ETFA: variants seen among roughly 807,000 people sequenced by gnomAD.
ETFA encodes electron transfer flavoprotein subunit alpha, mitochondrial.
ETFA carries 22 observed loss-of-function variants against 46.2 expected under a neutral mutation model. That is an observed-to-expected ratio of 0.48 (90% CI 0.34 to 0.68). The LOEUF (loss-of-function observed/expected upper bound fraction) is 0.68. ETFA is among the 30% of genes least tolerant of loss of function. ETFA has a pLI of 0.01. For missense variants in ETFA, 345 were observed against 401.1 expected, an observed-to-expected ratio of 0.86 and a Z score of 1.19; for synonymous variants, 131 against 139.9, an observed-to-expected ratio of 0.94 and a Z score of 0.45.
chr15:76,250,455 C>CTA (rs2039287083), intron 9 of ETFA, among the ~76,000 whole-genome samples: 1 of 151,848 alleles, frequency 6.6e-6, no homozygotes, highest in Non-Finnish European at 1.5e-5. Flanking sequence ...AAAATCTCAG[C>CTA]TATATACTGC....
At chr15:76,259,858 G>A (rs2039386625) in intron 9 of ETFA, 2 of 1,424,862 alleles carry the variant, frequency 1.4e-6, no homozygotes, top group Non-Finnish European at 2.0e-6. Flanking sequence ...AGGTGAGCAG[G>A]AAGGCGTGCA....
intron 9 of ETFA, chr15:76,260,941 G>A: frequency 1.2e-5 from 19 of 1,611,312 alleles, no homozygotes; most frequent in Non-Finnish European, 1.6e-5. Flanking sequence ...GTACAGGACT[G>A]CAGCAGGGCT....
intron 9 of ETFA, among the ~76,000 whole-genome samples, chr15:76,254,994 C>G (rs893079383): frequency 2.6e-5 from 4 of 152,050 alleles, no homozygotes; most frequent in African/African-American, 9.7e-5. Context: ...TTTTTTTAAA[C>G]TTTTATTCAT....
chr15:76,262,389 T>C (rs376795580), intron 9 of ETFA, among the ~76,000 whole-genome samples: 23 of 149,444 alleles, frequency 1.5e-4, no homozygotes, highest in African/African-American at 4.7e-4. Context: ...GTAAAAGGCA[T>C]ACATTTATAG....
At chr15:76,269,094 G>A (rs1301311003) in intron 9 of ETFA, among the ~76,000 whole-genome samples, 2 of 152,208 alleles carry the variant, frequency 1.3e-5, no homozygotes, top group Non-Finnish European at 2.9e-5. Flanking sequence ...TACACTTGCA[G>A]ATTTTGTTCT....
Position 76,292,626 on chromosome 15 carries a change from T to C in ETFA, c.261A>G (p.Leu87=), listed in dbSNP as rs2039778199. 6.2e-7 allele frequency: 1 copy of C among 1,613,082 alleles called. No homozygotes were observed. The highest frequency in any genetic ancestry group is 1.1e-5 in the South Asian group (1 of 91,074). Residue 87 remains leucine (L), a synonymous_variant, in exon 3 of 12, where the codon CTA becomes CTG. Coordinates refer to ENST00000557943, the MANE Select transcript of ETFA (RefSeq NM_000126.4). ...TCTACTGGAAAACCTCACCTGGAAG[T>C]AGGCCTTTGTACACATCATGCTGAG... ...LVAQHDVYKG[L]LPEELTPLIL... is the part of the protein sequence containing the mutation.
Position 76,249,444 on chromosome 15 carries a change from T to C in ETFA, c.817-18046A>G, listed in dbSNP as rs1473777743. Among the ~76,000 whole-genome samples the C allele has an allele frequency of 1.1e-4, 15 of 136,954 alleles. 1 individual carries two copies. The highest frequency in any genetic ancestry group is 1.9e-4 in the Non-Finnish European group (12 of 63,916). The allele number at this position is 136,954 out of a possible 152,430, so 89.8% of individuals were successfully genotyped here. ...CGCCCAGTCCATGGTAATTTTTTTT[T>C]TTTTTTTTTTTTTTTTAGATGGAGT... On this transcript the variant is annotated intron_variant, in intron 9 of 11. Coordinates refer to ENST00000557943, the MANE Select transcript of ETFA (RefSeq NM_000126.4).
Position 76,261,250 on chromosome 15 carries a change from T to C in ETFA, c.816+13162A>G, listed in dbSNP as rs907630057. On this transcript the variant is annotated intron_variant, in intron 9 of 11. Transcript: ENST00000557943. ...CTTGCAAGACAGTTGGAAAGGGGCA[T>C]TGGGTGGCACTGCCAGATCTTTTGG... The C allele has an allele frequency of 1.5e-5, 23 of 1,569,382 alleles. No homozygotes were observed. In the African/African-American group the frequency reaches 2.2e-4, roughly 15 times the overall value.
intron 10 of ETFA, chr15:76,226,177 C>T: frequency 5.2e-6 from 2 of 387,182 alleles, no homozygotes; most frequent in Non-Finnish European, 9.2e-6. Context: ...AAAAGTTCTT[C>T]TTTTGACTTA....
chr15:76,218,422 C>T (rs1299498537), intron 11 of ETFA, among the ~76,000 whole-genome samples: 3 of 152,160 alleles, frequency 2.0e-5, no homozygotes, highest in Admixed American at 6.6e-5. Context: ...CACTCACCAC[C>T]ACACCCGGCT....
chr15:76,285,057 G>A, intron 7 of ETFA: 2 of 235,876 alleles, frequency 8.5e-6, no homozygotes, highest in Admixed American at 5.7e-5. Context: ...TTAATTGCAA[G>A]GATTTAAAAA....
At chr15:76,292,051 A>C (rs2141539443) in intron 4 of ETFA, among the ~76,000 whole-genome samples, 1 of 152,288 alleles carries the variant, frequency 6.6e-6, no homozygotes, top group Admixed American at 6.5e-5. Context: ...CCCTACGTAG[A>C]TAAAATTTGG....
intron 1 of ETFA, 123 bp from the exon 2 acceptor site, chr15:76,295,860 T>A (rs2039813976): frequency 1.0e-5 from 6 of 574,204 alleles, no homozygotes; most frequent in Non-Finnish European, 1.7e-5. Context: ...AATATTATTC[T>A]ATAAATTTAT....
intron 8 of ETFA, among the ~76,000 whole-genome samples, chr15:76,281,061 C>T (rs985398238): frequency 6.6e-6 from 1 of 151,876 alleles, no homozygotes; most frequent in African/African-American, 2.4e-5. Context: ...ACTACAGGTA[C>T]GTGCCACCAT....
At chr15:76,227,893 G>C (rs1308611876) in intron 10 of ETFA, 1 of 456,072 alleles carries the variant, frequency 2.2e-6, no homozygotes, top group Non-Finnish European at 4.4e-6. Context: ...GTATAGTCCA[G>C]GTAACTGCTA....
intron 9 of ETFA, among the ~76,000 whole-genome samples, chr15:76,240,657 G>C (rs1032706074): frequency 5.3e-5 from 8 of 151,898 alleles, no homozygotes; most frequent in East Asian, 1.9e-4. Flanking sequence ...TTCAACCCTT[G>C]GCCTTTCAAT....
At chr15:76,272,805 A>AATATATATATATATAT (rs1379336424) in intron 9 of ETFA, among the ~76,000 whole-genome samples, 8 of 78,484 alleles carry the variant, frequency 1.0e-4, no homozygotes, top group Non-Finnish European at 2.1e-4. Flanking sequence ...TGTCTCTTAA[A>AATATATATATATATAT]ATATATACAT....
chr15:76,221,627 T>C (rs748593452), intron 11 of ETFA, among the ~76,000 whole-genome samples: 1 of 152,210 alleles, frequency 6.6e-6, no homozygotes, highest in Non-Finnish European at 1.5e-5. Flanking sequence ...TGTCACAGAC[T>C]CTATTAGTAT....
At chr15:76,278,187 C>T (rs1485496576) in intron 8 of ETFA, among the ~76,000 whole-genome samples, 1 of 152,168 alleles carries the variant, frequency 6.6e-6, no homozygotes, top group African/African-American at 2.4e-5. Context: ...GCCCACCACC[C>T]TACCTCAGCC....
Sources: gnomAD v4.1 joint callset for allele counts (sites outside exome capture counted in the v4.1 genomes callset) on GRCh38, gnomAD v4.1.1 for gene constraint, MANE v1.5 for transcripts, NCBI Gene and HGNC (gene_info 2026-07-23, HGNC 2026-07-21) for gene names.